The following CSMD2 variants were observed in gnomAD, a reference collection of about 807,000 sequenced individuals.
CSMD2 encodes CUB and sushi domain-containing protein 2.
In CSMD2, 130 loss-of-function variants were observed where a neutral mutation model predicts 398.5. The ratio of observed to expected loss-of-function variants is 0.33; its 90% confidence interval spans 0.28 to 0.38. CSMD2 has a LOEUF of 0.38. CSMD2 is among the 10% of genes least tolerant of loss of function. The pLI, the probability that CSMD2 is intolerant of heterozygous loss-of-function variation, is 1.00. For synonymous variants in CSMD2, 1,828 were observed against 1,908.5 expected (o/e 0.96, Z 1.10); for missense variants, 3,829 against 4,764.9 (o/e 0.80, Z 5.78).
chr1:33,876,659 G>A (rs143979732), intron 5 of CSMD2, among the ~76,000 whole-genome samples: 2 of 152,320 alleles, frequency 1.3e-5, no homozygotes, highest in Non-Finnish European at 2.9e-5. Flanking sequence ...CAGCTATCAA[G>A]TAGCAGAACT....
Position 33,633,439 on chromosome 1 carries a change from AG to A in CSMD2, c.5182del (p.Leu1728SerfsTer155). The A allele has an allele frequency of 6.4e-7, 1 of 1,552,578 alleles. No homozygotes were observed. Among genetic ancestry groups the A allele is most frequent in the South Asian group, 1.2e-5 (1 of 84,106 alleles). ...CCGGATACCTGTATGGGAGCCCGAG[AG>A]GGAGCTGAGGAGCCGCGAGTGCTGG... is the stretch of plus-strand genomic sequence containing the variant. ...HSQHSRLLSSLSGSHTGESLP... is the reference protein window; with the variant it reads ...HSQHSRLLSSXSGSHTGESLP... On this transcript the variant is annotated frameshift_variant, in exon 32 of 71. Coordinates refer to ENST00000373381, the MANE Select transcript of CSMD2 (RefSeq NM_001281956.2). LOFTEE classifies it high-confidence loss of function. This position sits in a 1 kb window ranked among gnomAD's most constrained non-coding sequence, Gnocchi z 5.0.
chr1:33,726,778 T>TAC, intron 15 of CSMD2, 93 bp from the exon 16 acceptor site: 7 of 1,358,492 alleles, frequency 5.2e-6, no homozygotes, highest in Non-Finnish European at 6.9e-6. Flanking sequence ...AGGCAATAAG[T>TAC]ATAGTTTTTG....
intron 6 of CSMD2, among the ~76,000 whole-genome samples, chr1:33,826,900 C>A (rs1012024805): frequency 2.0e-5 from 3 of 152,174 alleles, no homozygotes; most frequent in African/African-American, 7.2e-5. Flanking sequence ...CAGATTGATA[C>A]CCAGGAGTGG....
intron 1 of CSMD2, among the ~76,000 whole-genome samples, chr1:34,109,717 A>G (rs183878348): frequency 6.6e-6 from 1 of 152,154 alleles, no homozygotes; most frequent in African/African-American, 2.4e-5. Flanking sequence ...AAAAGTGGGC[A>G]AAGGACATGA....
intron 44 of CSMD2, among the ~76,000 whole-genome samples, chr1:33,593,659 G>C (rs1217600223): frequency 1.3e-5 from 2 of 152,180 alleles, no homozygotes; most frequent in East Asian, 3.9e-4. Context: ...GATGAGATTT[G>C]GGTGGAGATA....
At chr1:33,798,241 C>T (rs979948373) in intron 10 of CSMD2, among the ~76,000 whole-genome samples, 1 of 152,226 alleles carries the variant, frequency 6.6e-6, no homozygotes, top group Admixed American at 6.5e-5. Flanking sequence ...CAAAGAGGCA[C>T]ATTTGTATAC....
intron 3 of CSMD2, among the ~76,000 whole-genome samples, chr1:33,994,538 G>A (rs1411667822): frequency 1.3e-5 from 2 of 152,106 alleles, no homozygotes; most frequent in Non-Finnish European, 2.9e-5. Flanking sequence ...TGAAAGGAAG[G>A]ATTGTACTTA....
intron 13 of CSMD2, among the ~76,000 whole-genome samples, chr1:33,764,808 G>T (rs1205020033): frequency 6.6e-6 from 1 of 152,170 alleles, no homozygotes; most frequent in Non-Finnish European, 1.5e-5. Flanking sequence ...CATATTTTCT[G>T]GGCCAAGGGA....
At chr1:33,831,964 A>G (rs1216076110) in intron 6 of CSMD2, among the ~76,000 whole-genome samples, 3 of 143,344 alleles carry the variant, frequency 2.1e-5, no homozygotes, top group Non-Finnish European at 4.8e-5. Flanking sequence ...AGAGCTAACT[A>G]TCTTAAATAT....
intron 3 of CSMD2, among the ~76,000 whole-genome samples, chr1:34,013,088 G>A (rs965889539): frequency 3.9e-5 from 6 of 152,224 alleles, no homozygotes; most frequent in South Asian, 2.1e-4. Flanking sequence ...CTGGCTGAGC[G>A]TTATGGCCAT....
chr1:34,064,576 T>C (rs570357256), intron 2 of CSMD2, among the ~76,000 whole-genome samples: 32 of 152,280 alleles, frequency 2.1e-4, no homozygotes, highest in African/African-American at 7.5e-4. Flanking sequence ...CTGTCAGCAT[T>C]TCAAAGCCGT....
In CSMD2 at chr1:34,114,318, G is replaced by T. The variant is rs189187891; in HGVS notation, c.188-25125C>A. Among the ~76,000 whole-genome samples, 153 of 139,846 alleles carry T rather than the reference G, an allele frequency of 1.1e-3. 1 individual carries two copies. The highest frequency in any genetic ancestry group is 7.2e-3 in the Middle Eastern group (2 of 278). 91.7% of individuals were successfully genotyped at this position (139,846 alleles called of 152,430 possible). A position where few individuals can be genotyped will look rare whatever the true frequency, so the allele number is the denominator to read the frequency against. On this transcript the variant is annotated intron_variant, in intron 1 of 70. Transcript: ENST00000373381. ...CTTTGTTGTTGTTGTTGTTGTTGTT[G>T]TTTTTCAAATGCAGAAATCACTAAA...
Position 34,150,075 on chromosome 1 carries a change from C to CTTTTTT in CSMD2, c.187+14835_187+14836insAAAAAA, listed in dbSNP as rs201785327. Among the ~76,000 whole-genome samples, 18 of 119,620 alleles carry CTTTTTT rather than the reference C, an allele frequency of 1.5e-4. 4 individuals are homozygous for CTTTTTT. Among genetic ancestry groups the CTTTTTT allele is most frequent in the South Asian group, 2.8e-4 (1 of 3,538 alleles). 78.5% of individuals were successfully genotyped at this position (119,620 alleles called of 152,430 possible). On this transcript the variant is annotated intron_variant, in intron 1 of 70. Coordinates refer to ENST00000373381, the MANE Select transcript of CSMD2 (RefSeq NM_001281956.2). ...AGACCTGGAAATCTACATTTTTCTT[C>CTTTTTT]TTTCTTTTTTTTTTGTTTTTTTTTG...
intron 6 of CSMD2, among the ~76,000 whole-genome samples, chr1:33,843,521 G>A (rs1241872620): frequency 6.6e-6 from 1 of 152,172 alleles, no homozygotes; most frequent in East Asian, 1.9e-4. Flanking sequence ...GCTGACTGTG[G>A]GTGAAACTGA....
intron 27 of CSMD2, among the ~76,000 whole-genome samples, chr1:33,654,674 G>T (rs1051364036): frequency 1.3e-5 from 2 of 152,228 alleles, no homozygotes; most frequent in African/African-American, 4.8e-5. Flanking sequence ...GCGTGGCCTT[G>T]CCCAGGCCAG....
intron 53 of CSMD2, among the ~76,000 whole-genome samples, chr1:33,561,091 G>A (rs1160175850): frequency 2.0e-5 from 3 of 152,218 alleles, no homozygotes; most frequent in Non-Finnish European, 2.9e-5. Context: ...TTAAATCCAT[G>A]AGGATCCCAC....
chr1:33,714,563 A>G (rs747389725), intron 21 of CSMD2, 24 bp downstream of exon 21: 1 of 1,610,934 alleles, frequency 6.2e-7, no homozygotes, highest in Non-Finnish European at 8.5e-7. Context: ...TAGTGAAGCA[A>G]AATGAAAGCA....
upstream of CSMD2, chr1:34,165,832 C>T: frequency 6.2e-7 from 1 of 1,612,296 alleles, no homozygotes; most frequent in East Asian, 2.2e-5. Flanking sequence ...GCCTCCTACC[C>T]CATCCCAGGA....
chr1:33,696,018 C>A (rs1031649116), intron 24 of CSMD2, among the ~76,000 whole-genome samples: 2 of 152,198 alleles, frequency 1.3e-5, no homozygotes, highest in African/African-American at 4.8e-5. Flanking sequence ...AGCTCCTTGG[C>A]AGCAGGGACC....
Sources: allele counts gnomAD v4.1 joint callset (sites outside exome capture counted in the v4.1 genomes callset), GRCh38; gene constraint gnomAD v4.1.1; non-coding constraint Gnocchi (gnomAD v3.1); transcripts MANE v1.5; gene names NCBI Gene and HGNC (gene_info 2026-07-23, HGNC 2026-07-21).